The following PSEN1 variants were observed in gnomAD, a reference collection of about 807,000 sequenced individuals.
PSEN1 encodes the protein presenilin 1.
PSEN1 carries 15 observed loss-of-function variants against 53.5 expected under a neutral mutation model. The ratio of observed to expected loss-of-function variants is 0.28; its 90% CI spans 0.19 to 0.43. The LOEUF is 0.43. PSEN1 is among the 20% of genes least tolerant of loss of function. The pLI, the probability that PSEN1 is intolerant of heterozygous loss-of-function variation, is 1.00. For synonymous variants in PSEN1, 208 were observed against 209.8 expected, an observed-to-expected ratio of 0.99 and a Z score of 0.08; for missense variants, 387 against 571.2, an observed-to-expected ratio of 0.68 and a Z score of 3.29.
chr14:73,172,269 T>G (rs1019167739), intron 4 of PSEN1, among the ~76,000 whole-genome samples: 4 of 152,172 alleles, frequency 2.6e-5, no homozygotes. Flanking sequence ...TAATTGAGTT[T>G]TAGAATTTGA....
intron 5 of PSEN1, among the ~76,000 whole-genome samples, chr14:73,182,136 T>C (rs1202123365): frequency 6.6e-6 from 1 of 152,178 alleles, no homozygotes; most frequent in Non-Finnish European, 1.5e-5. Flanking sequence ...TTTCTTCTTT[T>C]AGTGTTTCTG....
intron 1 of PSEN1, among the ~76,000 whole-genome samples, chr14:73,138,640 C>G (rs1896818436): frequency 6.6e-6 from 1 of 152,014 alleles, no homozygotes; most frequent in Admixed American, 6.6e-5. Context: ...GCACAAGCCA[C>G]TGTGCCTAGC....
chr14:73,155,912 C>T (rs1897340400), intron 3 of PSEN1, among the ~76,000 whole-genome samples: 1 of 152,138 alleles, frequency 6.6e-6, no homozygotes, highest in African/African-American at 2.4e-5. Flanking sequence ...AAACTGTGGA[C>T]TGTCAATGTA....
Position 73,223,216 on chromosome 14 carries a change from G to A in PSEN1, c.*3927G>A, listed in dbSNP as rs1228890486. 2 of 152,196 alleles carry A rather than the reference G, an allele frequency of 1.3e-5. No individual in the cohort carries two copies. Among genetic ancestry groups the A allele is most frequent in the African/African-American group, 2.4e-5 (1 of 41,446 alleles). The allele number at this position is 152,196 out of a possible 1,614,324, so 9.4% of individuals were successfully genotyped here. ...GATTTGCATATAAAAAAGCACCCTG[G>A]TGCTGAAATGAACCCCTTTCTTGAA... On this transcript the variant is annotated 3_prime_UTR_variant, in exon 12 of 12. Transcript: ENST00000324501.
chr14:73,211,843 A>G lies in PSEN1; in HGVS notation c.1030A>G (p.Arg344Gly). 6.2e-7 allele frequency: 1 copy of G among 1,613,372 alleles called. No individual in the cohort carries two copies. Among genetic ancestry groups the G allele is most frequent in the African/African-American group, 1.3e-5 (1 of 74,770 alleles). The change falls in exon 10 of 12, where the codon AGG becomes GGG. Residue 344 changes from arginine (R) to glycine (G), a missense_variant. Arg to Gly is a moderately radical substitution (Grantham distance 125, BLOSUM62 -2). Around this residue, in one of 4 missense-constraint regions of PSEN1, gnomAD observed 75 missense variants for 63.7 expected, o/e 1.18. Transcript: ENST00000324501. ...GTTCAGTGAGGAATGGGAAGCCCAG[A>G]GGGACAGTCATCTAGGGCCTCATCG... ...GGFSEEWEAQ[R>G]DSHLGPHRST...
intron 1 of PSEN1, among the ~76,000 whole-genome samples, chr14:73,138,984 T>A (rs1376901332): frequency 2.2e-5 from 3 of 136,910 alleles, no homozygotes; most frequent in African/African-American, 5.5e-5. Flanking sequence ...AGAAAAAAAA[T>A]GTAAAAAGAG....
At chr14:73,208,679 G>T (rs990300907) in intron 9 of PSEN1, 1 of 320,758 alleles carries the variant, frequency 3.1e-6, no homozygotes, top group Non-Finnish European at 6.2e-6. Context: ...CATGCTGATG[G>T]GTCCATGGGT....
At chr14:73,208,801 G>C (rs1232438323) in intron 9 of PSEN1, 1 of 453,558 alleles carries the variant, frequency 2.2e-6, no homozygotes, top group Non-Finnish European at 4.4e-6. Flanking sequence ...TGCTTCACCA[G>C]GGAACTTCCC....
At chr14:73,216,544 A>G (rs1899922287) in intron 10 of PSEN1, among the ~76,000 whole-genome samples, 1 of 152,172 alleles carries the variant, frequency 6.6e-6, no homozygotes, top group Admixed American at 6.5e-5. Context: ...GTGGATCATG[A>G]GGTCAGGAGT....
chr14:73,142,607 TTC>T (rs1896959827), intron 1 of PSEN1, among the ~76,000 whole-genome samples: 1 of 152,246 alleles, frequency 6.6e-6, no homozygotes, highest in African/African-American at 2.4e-5. Flanking sequence ...ATTAATTCTT[TTC>T]TGTTGGTACT....
At chr14:73,215,278 A>G (rs1899866833) in intron 10 of PSEN1, among the ~76,000 whole-genome samples, 1 of 150,706 alleles carries the variant, frequency 6.6e-6, no homozygotes, top group Admixed American at 6.6e-5. Flanking sequence ...TTTTTTTTAA[A>G]TACCGTTAAG....
intron 6 of PSEN1, among the ~76,000 whole-genome samples, chr14:73,188,469 C>T (rs1023465775): frequency 6.6e-6 from 1 of 152,060 alleles, no homozygotes; most frequent in Admixed American, 6.6e-5. Flanking sequence ...ACCTGCGCAA[C>T]ATAACAAGAC....
intron 3 of PSEN1, chr14:73,168,680 C>T (rs1332130614): frequency 6.6e-6 from 1 of 152,278 alleles, no homozygotes; most frequent in Non-Finnish European, 1.5e-5. Flanking sequence ...AGAACCACTT[C>T]CATCGTGCAA....
chr14:73,146,308 C>T (rs1287790315), intron 1 of PSEN1, among the ~76,000 whole-genome samples: 1 of 151,906 alleles, frequency 6.6e-6, no homozygotes, highest in Non-Finnish European at 1.5e-5. Flanking sequence ...CCACCTCAGC[C>T]TCCTGAGCAT....
At chr14:73,203,148 G>A (rs1899300075) in intron 8 of PSEN1, among the ~76,000 whole-genome samples, 1 of 151,966 alleles carries the variant, frequency 6.6e-6, no homozygotes, top group Non-Finnish European at 1.5e-5. Context: ...GCACAATCTC[G>A]GCTCACTGCA....
chr14:73,196,474 A>ATT (rs35294154), intron 7 of PSEN1, among the ~76,000 whole-genome samples: 2,433 of 102,064 alleles, frequency 0.024, 57 homozygotes, highest in African/African-American at 0.052. Context: ...GAGGCATGAA[A>ATT]TTTTTTTTTT....
intron 11 of PSEN1, among the ~76,000 whole-genome samples, chr14:73,217,821 G>A (rs1217582487): frequency 1.5e-5 from 2 of 134,774 alleles, no homozygotes; most frequent in East Asian, 4.2e-4. Flanking sequence ...TTTTTGAGAC[G>A]GAGTCTCTGT....
intron 10 of PSEN1, among the ~76,000 whole-genome samples, chr14:73,213,259 C>G (rs7143491): frequency 6.6e-6 from 1 of 152,168 alleles, no homozygotes; most frequent in East Asian, 1.9e-4. Flanking sequence ...CTACTTTCCT[C>G]TTTTCTCACA....
rs1182558329 is a variant in PSEN1 at position 73,138,292 on chromosome 14, C to G, written c.-136+1709C>G. ...GGAGTGCAGTGGCGCGATCTCAGCT[C>G]ACTGCAAGCTCCGCCTCCCGGGTTC... On this transcript the variant is annotated intron_variant, in intron 1 of 11. Transcript: ENST00000324501. 11 of 151,634 alleles carry G rather than the reference C, an allele frequency of 7.3e-5. No homozygotes were observed. The East Asian group carries it at 2.2e-3, about 30-fold the overall frequency. The allele number at this position is 151,634 out of a possible 1,614,324, so 9.4% of individuals were successfully genotyped here.
Sources: allele counts gnomAD v4.1 joint callset (sites outside exome capture counted in the v4.1 genomes callset), GRCh38; gene constraint gnomAD v4.1.1; regional missense constraint gnomAD v4.1.1; transcripts MANE v1.5; gene names NCBI Gene and HGNC (gene_info 2026-07-23, HGNC 2026-07-21).